The following DMD variants were observed in gnomAD, a reference collection of about 807,000 sequenced individuals.
DMD encodes mutant dystrophin.
A neutral mutation model predicts 330.1 loss-of-function variants in DMD; 63 were observed. The ratio of observed to expected loss-of-function variants is 0.19; its 90% CI spans 0.16 to 0.24. DMD has a LOEUF of 0.24. Ranked by LOEUF, DMD falls within the 10% of genes least tolerant of loss-of-function variation. The pLI, the probability that DMD is intolerant of heterozygous loss-of-function variation, is 1.00. For missense variants in DMD, 3,344 were observed against 2,684.1 expected (o/e 1.25, Z -5.43); for synonymous variants, 1,223 against 959.8 (o/e 1.27, Z -5.07).
intron 11 of DMD, among the ~76,000 whole-genome samples, chrX:32,624,241 C>T (rs1245644826): frequency 9.0e-6 from 1 of 111,647 alleles, no homozygotes; most frequent in Non-Finnish European, 1.9e-5. Context: ...ATGGAGTATA[C>T]ATATATGACT....
At chrX:31,166,696 G>A (rs1454928994) in intron 74 of DMD, among the ~76,000 whole-genome samples, 3 of 111,178 alleles carry the variant, frequency 2.7e-5, no homozygotes, top group Non-Finnish European at 5.7e-5. Flanking sequence ...AGCTCCTTGC[G>A]CAGAACTGCA....
In DMD at chrX:31,212,162, ATATATGTGTGTGTGTATGTG is replaced by A. The variant is rs765636404; in HGVS notation, c.9362-2483_9362-2464del. Among the ~76,000 whole-genome samples, 542 of 85,499 alleles carry A rather than the reference ATATATGTGTGTGTGTATGTG, an allele frequency of 6.3e-3. 3 individuals are homozygous for A. Among genetic ancestry groups the A allele is most frequent in the Middle Eastern group, 0.031 (5 of 163 alleles). The allele number at this position is 85,499 out of a possible 115,157, so 74.2% of individuals were successfully genotyped here. On this transcript the variant is annotated intron_variant, in intron 64 of 78. Transcript: ENST00000357033. ...TTAAATATATTATATATATATATAT[ATATATGTGTGTGTGTATGTG>A]TGTGTGTGTGTGTGTGTGTTTGTGT... is the stretch of plus-strand genomic sequence containing the variant.
In DMD at chrX:31,963,805, T is replaced by C. The variant is rs1403353710; in HGVS notation, c.6614+4534A>G. ...GAAAAACCTTTTTTTTTTTTTTTTTTCAAACAGAAGAAAGCCAGCTGGTAA... is the reference window on the plus strand; with the variant it reads ...GAAAAACCTTTTTTTTTTTTTTTTTCCAAACAGAAGAAAGCCAGCTGGTAA... On this transcript the variant is annotated intron_variant, in intron 45 of 78. Coordinates refer to ENST00000357033, the MANE Select transcript of DMD (RefSeq NM_004006.3). Among the ~76,000 whole-genome samples the C allele has an allele frequency of 4.4e-3, 451 of 103,490 alleles. 2 individuals are homozygous for C. Among genetic ancestry groups the C allele is most frequent in the Non-Finnish European group, 7.6e-3 (376 of 49,687 alleles). The allele number at this position is 103,490 out of a possible 115,157, so 89.9% of individuals were successfully genotyped here.
intron 62 of DMD, chrX:31,266,895 G>T: frequency 8.4e-7 from 1 of 1,187,404 alleles, no homozygotes; most frequent in Non-Finnish European, 1.1e-6. Context: ...GAGCCGCCGG[G>T]CTCCCCGAAA....
At chrX:32,889,188 G>A (rs925211123) in intron 2 of DMD, among the ~76,000 whole-genome samples, 1 of 111,111 alleles carries the variant, frequency 9.0e-6, no homozygotes, top group Non-Finnish European at 1.9e-5. Context: ...TCGTGAGCAT[G>A]TGTCTTAGCA....
chrX:32,926,085 G>GTC (rs766192609), intron 2 of DMD, among the ~76,000 whole-genome samples: 154 of 112,168 alleles, frequency 1.4e-3, no homozygotes, highest in African/African-American at 4.7e-3. Context: ...TGAAAATGTG[G>GTC]TCACACACAC....
At chrX:32,936,981 A>T (rs1389670789) in intron 2 of DMD, among the ~76,000 whole-genome samples, 1 of 111,729 alleles carries the variant, frequency 9.0e-6, no homozygotes, top group Non-Finnish European at 1.9e-5. Flanking sequence ...ACTTTATAAG[A>T]GGGTAGTGTA....
chrX:31,962,415 C>A (rs904029856), intron 45 of DMD, among the ~76,000 whole-genome samples: 1 of 111,820 alleles, frequency 8.9e-6, no homozygotes, highest in Non-Finnish European at 1.9e-5. Flanking sequence ...TTAATGTGCC[C>A]ATGAATCACT....
chrX:32,505,869 G>A (rs1020128458), intron 18 of DMD, among the ~76,000 whole-genome samples: 5 of 111,984 alleles, frequency 4.5e-5, no homozygotes, highest in African/African-American at 9.7e-5. Context: ...GAACTTAAAT[G>A]CATGTTACTA....
chrX:31,759,426 G>A (rs968065773), intron 51 of DMD, among the ~76,000 whole-genome samples: 14 of 111,373 alleles, frequency 1.3e-4, no homozygotes, highest in African/African-American at 4.6e-4. Context: ...GAAAGAAAAT[G>A]AATATGTATG....
intron 48 of DMD, among the ~76,000 whole-genome samples, chrX:31,860,700 G>C (rs1416477127): frequency 8.9e-6 from 1 of 112,284 alleles, no homozygotes; most frequent in African/African-American, 3.2e-5. Context: ...GATTTGGCTA[G>C]AAAATGCAAT....
In DMD at chrX:31,892,593, C is replaced by G. The variant is rs369311207; in HGVS notation, c.6913-17220G>C. The stretch of plus-strand genomic sequence containing the variant: ...GCAAACATCATAGTGTGTACCTACA[C>G]AAACCTAGGTGGTACATATAGCCTA... On this transcript the variant is annotated intron_variant, in intron 47 of 78. Transcript: ENST00000357033. Among the ~76,000 whole-genome samples, 141 of 111,836 alleles carry G rather than the reference C, an allele frequency of 1.3e-3. 1 individual carries two copies. Among genetic ancestry groups the G allele is most frequent in the African/African-American group, 4.5e-3 (138 of 30,733 alleles).
At chrX:33,223,071 A>C (rs927443243) in intron 1 of DMD, among the ~76,000 whole-genome samples, 1 of 112,036 alleles carries the variant, frequency 8.9e-6, no homozygotes, top group African/African-American at 3.2e-5. Flanking sequence ...GCACTTTGGG[A>C]GGCCAAGGTG....
At chrX:33,166,127 A>C (rs2049040042) in intron 1 of DMD, among the ~76,000 whole-genome samples, 1 of 111,472 alleles carries the variant, frequency 9.0e-6, no homozygotes, top group African/African-American at 3.3e-5. Context: ...TACCAGGTCA[A>C]GAGAGATCTC....
chrX:33,061,861 C>T (rs2094584714), intron 1 of DMD, among the ~76,000 whole-genome samples: 3 of 111,626 alleles, frequency 2.7e-5, no homozygotes, highest in African/African-American at 9.8e-5. Context: ...GAGCTATAGT[C>T]TCTTTAGAGT....
intron 7 of DMD, among the ~76,000 whole-genome samples, chrX:32,805,463 G>T (rs2076883498): frequency 8.9e-6 from 1 of 112,118 alleles, no homozygotes; most frequent in African/African-American, 3.2e-5. Flanking sequence ...ATGGGACTAT[G>T]TGAAAAGACA....
chrX:32,293,602 T>C (rs754226195), intron 42 of DMD, among the ~76,000 whole-genome samples: 4 of 112,127 alleles, frequency 3.6e-5, no homozygotes, highest in Admixed American at 2.8e-4. Context: ...TCTTTCACTA[T>C]AAAATAGAAA....
chrX:31,924,363 A>G (rs1474442327), intron 47 of DMD, among the ~76,000 whole-genome samples: 1 of 112,253 alleles, frequency 8.9e-6, no homozygotes, highest in Non-Finnish European at 1.9e-5. Flanking sequence ...AATGACTGTC[A>G]TTACATAGCA....
chrX:32,932,121 G>A (rs1459451559), intron 2 of DMD, among the ~76,000 whole-genome samples: 1 of 112,120 alleles, frequency 8.9e-6, no homozygotes, highest in Non-Finnish European at 1.9e-5. Context: ...CTTTATCAGG[G>A]CTATTTCCGA....
Sources: allele counts gnomAD v4.1 joint callset (sites outside exome capture counted in the v4.1 genomes callset), GRCh38; gene constraint gnomAD v4.1.1; transcripts MANE v1.5; gene names NCBI Gene and HGNC (gene_info 2026-07-23, HGNC 2026-07-21).